Variants in PALLD observed in about 807,000 individuals in gnomAD.
PALLD encodes the protein palladin, cytoskeletal associated protein.
A neutral mutation model predicts 123.5 loss-of-function variants in PALLD; 61 were observed. The ratio of observed to expected loss-of-function variants is 0.49; its 90% CI spans 0.40 to 0.61. PALLD has a LOEUF of 0.61. Ranked by LOEUF, PALLD falls within the 20% of genes least tolerant of loss-of-function variation. PALLD has a pLI of 0.00. For missense variants in PALLD, 1,273 were observed against 1,377.0 expected (o/e 0.92, Z 1.20); for synonymous variants, 465 against 496.4 (o/e 0.94, Z 0.84).
At chr4:168,545,925 TTAAAA>T (rs1366221981) in intron 2 of PALLD, among the ~76,000 whole-genome samples, 3 of 152,224 alleles carry the variant, frequency 2.0e-5, no homozygotes, top group Non-Finnish European at 4.4e-5. Context: ...TTTAAATTAC[TTAAAA>T]TAAGTGCTAG....
intron 10 of PALLD, among the ~76,000 whole-genome samples, chr4:168,774,510 T>C (rs1269536502): frequency 6.6e-6 from 1 of 152,056 alleles, no homozygotes; most frequent in Non-Finnish European, 1.5e-5. Flanking sequence ...GGCGGATCAC[T>C]GGAGGTCAGG....
chr4:168,544,895 T>A (rs912410684), intron 2 of PALLD, among the ~76,000 whole-genome samples: 1 of 152,144 alleles, frequency 6.6e-6, no homozygotes, highest in African/African-American at 2.4e-5. Flanking sequence ...AAAAGCTACT[T>A]CAGATTTTGT....
intron 2 of PALLD, among the ~76,000 whole-genome samples, chr4:168,626,409 A>C (rs1193368256): frequency 6.6e-6 from 1 of 150,784 alleles, no homozygotes; most frequent in East Asian, 2.0e-4. Flanking sequence ...TCAAAAAAAA[A>C]AAAAAAAAAA....
rs70961531 is a variant in PALLD, at chr4:168,542,717, C to CATATATATAT, written c.908+30342_908+30351dup. Among the ~76,000 whole-genome samples the CATATATATAT allele has an allele frequency of 2.8e-3, 251 of 88,734 alleles. 2 individuals are homozygous for CATATATATAT. Among genetic ancestry groups the CATATATATAT allele is most frequent in the South Asian group, 3.4e-3 (10 of 2,978 alleles). The allele number at this position is 88,734 out of a possible 152,430, so 58.2% of individuals were successfully genotyped here. On this transcript the variant is annotated intron_variant, in intron 2 of 21. Transcript: ENST00000505667. ...ACATGTTTCTCCCAGCTAACCTTTC[C>CATATATATAT]ATATATATATATATATATATATATA... is the stretch of plus-strand genomic sequence containing the variant.
chr4:168,602,076 A>G (rs1453083117), intron 2 of PALLD, among the ~76,000 whole-genome samples: 1 of 152,224 alleles, frequency 6.6e-6, no homozygotes. Context: ...GTCTGCAGAT[A>G]TTAATGTTTG....
intron 2 of PALLD, among the ~76,000 whole-genome samples, chr4:168,630,424 C>T (rs1775702288): frequency 1.3e-5 from 2 of 152,112 alleles, no homozygotes; most frequent in Admixed American, 6.5e-5. Context: ...TCCCAAAGAG[C>T]GGAAAATTTA....
intron 20 of PALLD, 73 bp from the exon 21 acceptor site, chr4:168,925,160 C>T: frequency 2.5e-6 from 4 of 1,580,596 alleles, no homozygotes; most frequent in South Asian, 2.2e-5. Flanking sequence ...AATCACATTA[C>T]TCTTTATAAA....
chr4:168,917,367 C>T (rs376980741), intron 17 of PALLD, among the ~76,000 whole-genome samples: 4 of 152,140 alleles, frequency 2.6e-5, no homozygotes, highest in South Asian at 4.2e-4. Context: ...GCTTTTTAAC[C>T]CAAGGTCCTT....
chr4:168,899,655 G>A (rs1045206716), intron 14 of PALLD, among the ~76,000 whole-genome samples: 8 of 152,124 alleles, frequency 5.3e-5, no homozygotes, highest in African/African-American at 1.4e-4. Context: ...GGTGGCTCAC[G>A]CCTGTAATCC....
chr4:168,702,578 G>A (rs138050479), intron 8 of PALLD, among the ~76,000 whole-genome samples: 9 of 152,114 alleles, frequency 5.9e-5, no homozygotes, highest in African/African-American at 1.4e-4. Context: ...AAGAACATGC[G>A]TGTCGGAGAT....
intron 11 of PALLD, among the ~76,000 whole-genome samples, chr4:168,891,638 G>A (rs1213541931): frequency 2.0e-5 from 3 of 150,190 alleles, no homozygotes; most frequent in African/African-American, 7.4e-5. Flanking sequence ...AGGAAGGGCA[G>A]ATATCTGGTT....
At chr4:168,655,687 C>T (rs1264741504) in intron 2 of PALLD, among the ~76,000 whole-genome samples, 2 of 152,200 alleles carry the variant, frequency 1.3e-5, no homozygotes, top group Non-Finnish European at 2.9e-5. Context: ...ATCTCTTCTT[C>T]CATTCAGTTT....
intron 10 of PALLD, among the ~76,000 whole-genome samples, chr4:168,753,854 A>G (rs1008722146): frequency 6.6e-6 from 1 of 152,298 alleles, no homozygotes; most frequent in Admixed American, 6.5e-5. Flanking sequence ...CACGAGAGAC[A>G]CAGAGCCAGA....
At chr4:168,711,418 C>T (rs560403808) in intron 9 of PALLD, among the ~76,000 whole-genome samples, 163 bp from the exon 10 acceptor site, 1 of 152,282 alleles carries the variant, frequency 6.6e-6, no homozygotes, top group South Asian at 2.1e-4. Flanking sequence ...AGAACCAGGC[C>T]CTCCAGCTGG....
chr4:168,853,890 A>T (rs1277167555), intron 10 of PALLD, among the ~76,000 whole-genome samples: 1 of 152,178 alleles, frequency 6.6e-6, no homozygotes, highest in African/African-American at 2.4e-5. Flanking sequence ...GGTTGAGATG[A>T]GACGGATGGA....
intron 2 of PALLD, among the ~76,000 whole-genome samples, chr4:168,608,393 T>C (rs1773399452): frequency 1.3e-5 from 2 of 152,176 alleles, no homozygotes; most frequent in Admixed American, 6.5e-5. Flanking sequence ...TCAGGACATA[T>C]TATAGTGTTG....
chr4:168,559,589 G>T (rs1013567734), intron 2 of PALLD, among the ~76,000 whole-genome samples: 4 of 152,048 alleles, frequency 2.6e-5, no homozygotes, highest in Admixed American at 6.6e-5. Flanking sequence ...GAGAACTTTT[G>T]AGTCTTATCA....
intron 10 of PALLD, among the ~76,000 whole-genome samples, chr4:168,751,791 C>A (rs184047088): frequency 1.1e-4 from 16 of 152,210 alleles, no homozygotes; most frequent in African/African-American, 3.9e-4. Context: ...TATAAATAGT[C>A]TCCATCTTTG....
intron 10 of PALLD, among the ~76,000 whole-genome samples, chr4:168,829,773 A>C (rs1420180680): frequency 6.6e-6 from 1 of 152,226 alleles, no homozygotes; most frequent in African/African-American, 2.4e-5. Context: ...ACAGGGAAAT[A>C]CTGTTAGAAA....
Sources: gnomAD v4.1 joint callset for allele counts (sites outside exome capture counted in the v4.1 genomes callset) on GRCh38, gnomAD v4.1.1 for gene constraint, MANE v1.5 for transcripts, NCBI Gene and HGNC (gene_info 2026-07-23, HGNC 2026-07-21) for gene names.